DDAH1: variants seen among roughly 807,000 people sequenced by gnomAD.
The protein encoded by DDAH1 is N(G),N(G)-dimethylarginine dimethylaminohydrolase 1.
Under a neutral mutation model 28.8 loss-of-function variants are expected in DDAH1, and 19 were observed. That is an observed-to-expected ratio of 0.66 (90% CI 0.46 to 0.97). DDAH1 has a LOEUF of 0.97. DDAH1 is among the 50% of genes least tolerant of loss of function. DDAH1 has a pLI of 0.00. For missense variants in DDAH1, 326 were observed against 375.9 expected (o/e 0.87, Z 1.10); for synonymous variants, 153 against 154.4 (o/e 0.99, Z 0.07).
intron 1 of DDAH1, among the ~76,000 whole-genome samples, chr1:85,541,614 T>G (rs1368895223): frequency 6.6e-6 from 1 of 152,156 alleles, no homozygotes; most frequent in Non-Finnish European, 1.5e-5. Context: ...TTCATTTGGG[T>G]GGTAGAGTTC....
intron 4 of DDAH1, among the ~76,000 whole-genome samples, chr1:85,338,907 C>T (rs1026812625): frequency 5.3e-5 from 8 of 151,048 alleles, no homozygotes; most frequent in African/African-American, 9.7e-5. Flanking sequence ...ATTAGCTGGG[C>T]GTGGTTGTAT....
intron 2 of DDAH1, among the ~76,000 whole-genome samples, chr1:85,486,182 A>G (rs1656198714): frequency 6.6e-6 from 1 of 152,200 alleles, no homozygotes; most frequent in Non-Finnish European, 1.5e-5. Context: ...CACAATGCCT[A>G]AGAAATGTGG....
chr1:85,358,591 G>A (rs139074707), intron 2 of DDAH1, among the ~76,000 whole-genome samples, 157 bp downstream of exon 2: 2,604 of 152,290 alleles, frequency 0.017, 67 homozygotes, highest in East Asian at 0.12. Flanking sequence ...GGAGGTTGCA[G>A]CAAGCCAAGA....
chr1:85,339,318 C>G (rs1274535632), intron 4 of DDAH1, among the ~76,000 whole-genome samples: 1 of 152,132 alleles, frequency 6.6e-6, no homozygotes, highest in African/African-American at 2.4e-5. Context: ...CAGGTTTAAA[C>G]TTGGTCCCAC....
chr1:85,339,318 C>T (rs1274535632), intron 4 of DDAH1, among the ~76,000 whole-genome samples: 1 of 152,132 alleles, frequency 6.6e-6, no homozygotes, highest in Admixed American at 6.5e-5. Flanking sequence ...CAGGTTTAAA[C>T]TTGGTCCCAC....
chr1:85,383,299 A>T (rs538352628), intron 1 of DDAH1, among the ~76,000 whole-genome samples: 1 of 152,354 alleles, frequency 6.6e-6, no homozygotes, highest in African/African-American at 2.4e-5. Flanking sequence ...AGACTTCAGT[A>T]GACAAAGTAA....
At chr1:85,523,470 T>C (rs1345466571) in intron 1 of DDAH1, among the ~76,000 whole-genome samples, 27 of 152,208 alleles carry the variant, frequency 1.8e-4, no homozygotes, top group African/African-American at 6.5e-4. Context: ...CTAATTCTGG[T>C]ATTTGCTTAT....
intron 2 of DDAH1, among the ~76,000 whole-genome samples, chr1:85,478,340 C>T (rs1655873932): frequency 6.6e-6 from 1 of 152,188 alleles, no homozygotes; most frequent in South Asian, 2.1e-4. Flanking sequence ...TATTAGTCTG[C>T]TCTCACGTTG....
intron 1 of DDAH1, among the ~76,000 whole-genome samples, chr1:85,384,962 G>T (rs1183051993): frequency 6.6e-6 from 1 of 152,182 alleles, no homozygotes; most frequent in Non-Finnish European, 1.5e-5. Flanking sequence ...ATGGAACTTG[G>T]AAGCTAATTA....
intron 4 of DDAH1, among the ~76,000 whole-genome samples, chr1:85,328,069 G>C (rs1182637486): frequency 6.6e-6 from 1 of 152,136 alleles, no homozygotes. Flanking sequence ...TCCAGAAACA[G>C]AAATACAACT....
chr1:85,469,060 C>CTTA (rs994985783), upstream of DDAH1, among the ~76,000 whole-genome samples: 2 of 152,226 alleles, frequency 1.3e-5, no homozygotes, highest in African/African-American at 4.8e-5. Flanking sequence ...ATGTGAAAGG[C>CTTA]TTAATGGGTC....
intron 1 of DDAH1, among the ~76,000 whole-genome samples, chr1:85,553,554 G>C (rs940031889): frequency 7.9e-5 from 12 of 152,214 alleles, no homozygotes; most frequent in African/African-American, 2.2e-4. Flanking sequence ...TACCAGCAAA[G>C]GGCACTATTG....
chr1:85,434,412 T>C (rs972179393), intron 1 of DDAH1, among the ~76,000 whole-genome samples: 16 of 149,198 alleles, frequency 1.1e-4, no homozygotes, highest in Non-Finnish European at 1.5e-4. Flanking sequence ...TCATATTGTA[T>C]GTGTGTTTTG....
At chr1:85,492,368 A>AT (rs1222749675) in intron 2 of DDAH1, among the ~76,000 whole-genome samples, 1 of 152,228 alleles carries the variant, frequency 6.6e-6, no homozygotes, top group African/African-American at 2.4e-5. Context: ...GACTACCCAA[A>AT]TTGCAGCATT....
At chr1:85,567,826 A>G (rs1659345508) in intron 1 of DDAH1, among the ~76,000 whole-genome samples, 1 of 152,226 alleles carries the variant, frequency 6.6e-6, no homozygotes, top group Admixed American at 6.5e-5. Flanking sequence ...GAATAGGTAG[A>G]CAAAAAAATC....
intron 1 of DDAH1, among the ~76,000 whole-genome samples, chr1:85,431,921 A>ACCT (rs1281916438): frequency 2.0e-5 from 3 of 152,216 alleles, no homozygotes; most frequent in Admixed American, 1.3e-4. Flanking sequence ...ATAATTTCCC[A>ACCT]CAACCTCAGG....
chr1:85,494,814 C>G (rs1346189341), intron 2 of DDAH1: 1 of 152,328 alleles, frequency 6.6e-6, no homozygotes, highest in African/African-American at 2.4e-5. Flanking sequence ...GTCACTTGGT[C>G]TATCTCAGGC....
At chr1:85,416,458 G>C (rs1652892643) in intron 1 of DDAH1, among the ~76,000 whole-genome samples, 1 of 152,096 alleles carries the variant, frequency 6.6e-6, no homozygotes, top group Non-Finnish European at 1.5e-5. Flanking sequence ...GCCTCCCAAA[G>C]TGTTGGGATT....
intron 1 of DDAH1, among the ~76,000 whole-genome samples, chr1:85,536,435 C>A (rs1436731924): frequency 2.0e-5 from 3 of 151,960 alleles, no homozygotes; most frequent in Non-Finnish European, 4.4e-5. Context: ...TGCCTGTAAT[C>A]CCAGCTACTT....
Sources: gnomAD v4.1 joint callset for allele counts (sites outside exome capture counted in the v4.1 genomes callset) on GRCh38, gnomAD v4.1.1 for gene constraint, MANE v1.5 for transcripts, NCBI Gene and HGNC (gene_info 2026-07-23, HGNC 2026-07-21) for gene names.